Variants in TRMT44 observed in about 807,000 individuals in gnomAD.
TRMT44 encodes tRNA methyltransferase 44 homolog.
A neutral mutation model predicts 77.3 loss-of-function variants in TRMT44; 78 were observed. That is an observed-to-expected ratio of 1.01 (90% CI 0.84 to 1.22). The LOEUF is 1.22. TRMT44 is among the 50% of genes most tolerant of loss of function. The pLI is 0.00. For synonymous variants in TRMT44, 391 were observed against 383.3 expected (o/e 1.02, Z -0.23); for missense variants, 1,090 against 964.4 (o/e 1.13, Z -1.73).
chr4:8,464,575 C>T (rs898790129), intron 7 of TRMT44, among the ~76,000 whole-genome samples: 5 of 152,202 alleles, frequency 3.3e-5, no homozygotes, highest in Admixed American at 3.3e-4. Flanking sequence ...GTTGACGTTT[C>T]GTTGCTGAGT....
the TRMT44 span, chr4:8,511,917 C>A: frequency 6.6e-6 from 1 of 152,210 alleles, no homozygotes; most frequent in East Asian, 1.9e-4. Flanking sequence ...AGTCAATGAT[C>A]GTGAAAGTCG....
the TRMT44 span, among the ~76,000 whole-genome samples, chr4:8,501,483 G>C: frequency 6.6e-6 from 1 of 152,182 alleles, no homozygotes; most frequent in East Asian, 1.9e-4. The surrounding 1 kb of genome is among the most constrained non-coding windows in gnomAD (Gnocchi z 4.4). Flanking sequence ...GAAAAATGGG[G>C]ATGAGGATAA....
In TRMT44 at chr4:8,454,864, G is replaced by A. The variant is rs115681291; in HGVS notation, c.1203+51G>A. 2.5e-3 allele frequency: 3,855 copies of A among 1,542,446 alleles called. 94 individuals are homozygous for A. The African/African-American group carries it at 0.046, about 18-fold the overall frequency. On this transcript the variant is annotated intron_variant, in intron 6 of 10. Transcript: ENST00000389737. ...TGATCTCAGCATGGCTTAGCTCCCA[G>A]TGGGAATTGCTGTAATGAATGTGTC...
downstream of TRMT44, among the ~76,000 whole-genome samples, chr4:8,479,693 T>C (rs1727552895): frequency 6.6e-6 from 1 of 152,186 alleles, no homozygotes; most frequent in Admixed American, 6.5e-5. Context: ...GAGGCCCTTC[T>C]GCAGGCTGGA....
Position 8,469,040 on chromosome 4 carries a change from T to G in TRMT44, c.1927+694T>G, listed in dbSNP as rs149977353. On this transcript the variant is annotated intron_variant, in intron 9 of 10. Transcript: ENST00000389737. ...CCCTCCCGGCCCCTCCGTCGGTGAC[T>G]TCTGCCTGGCTGCGCATTTGAGGGA... Among the ~76,000 whole-genome samples, 592 of 152,364 alleles carry G rather than the reference T, an allele frequency of 3.9e-3. 4 individuals are homozygous for G. The highest frequency in any genetic ancestry group is 0.014 in the African/African-American group (573 of 41,592).
chr4:8,449,588 T>A, intron 2 of TRMT44, 81 bp from the exon 3 acceptor site: 1 of 1,153,224 alleles, frequency 8.7e-7, no homozygotes, highest in Non-Finnish European at 1.2e-6. Flanking sequence ...TTCTGTTTTC[T>A]TCATTAGGTA....
intron 6 of TRMT44, among the ~76,000 whole-genome samples, chr4:8,457,019 C>G (rs1389885672): frequency 2.1e-4 from 2 of 9,336 alleles, no homozygotes; most frequent in Admixed American, 7.1e-4. Flanking sequence ...AGACACCCGC[C>G]CCCCCCCCCC....
intron 2 of TRMT44, among the ~76,000 whole-genome samples, chr4:8,449,070 T>C (rs1725256722): frequency 6.6e-6 from 1 of 152,224 alleles, no homozygotes; most frequent in East Asian, 1.9e-4. Context: ...GATTGTGAGC[T>C]TTTCCTCATT....
intron 10 of TRMT44, among the ~76,000 whole-genome samples, chr4:8,472,774 T>C (rs1175849006): frequency 7.1e-6 from 1 of 141,702 alleles, no homozygotes; most frequent in Non-Finnish European, 1.5e-5. Context: ...CCTGCAGTGC[T>C]GGCTGGGCTG....
chr4:8,487,114 A>C lies in TRMT44; in HGVS notation n.3892-6152A>C, dbSNP rs531264512. On this transcript the variant is annotated intron_variant and non_coding_transcript_variant, in intron 2 of 2. Transcript: ENST00000511366. Reference sequence around the variant, plus strand: ...TCAGACTGTTTGCTATTTTATGACAAGAATTATTTAGATCTTGCAGGATGG... The same window carrying C: ...TCAGACTGTTTGCTATTTTATGACACGAATTATTTAGATCTTGCAGGATGG... 2.6e-5 allele frequency among the ~76,000 whole-genome samples: 4 copies of C among 152,350 alleles called. No individual in the cohort carries two copies. In the South Asian group the frequency reaches 8.3e-4, roughly 32 times the overall value.
chr4:8,484,220 G>A (rs529720848), intron 2 of TRMT44, among the ~76,000 whole-genome samples: 1 of 152,168 alleles, frequency 6.6e-6, no homozygotes, highest in Non-Finnish European at 1.5e-5. Flanking sequence ...TGGGGTGAAC[G>A]TCAGGTGGAT....
At position 8,467,281 on chromosome 4, in the gene TRMT44, T is replaced by C. The variant is rs369444232; in HGVS notation, c.1495-633T>C. 1.5e-4 allele frequency among the ~76,000 whole-genome samples: 23 copies of C among 151,298 alleles called. 1 individual carries two copies. The East Asian group carries it at 1.8e-3, about 12-fold the overall frequency. On this transcript the variant is annotated intron_variant, in intron 8 of 10. Coordinates refer to ENST00000389737, the MANE Select transcript of TRMT44 (RefSeq NM_152544.3). The stretch of plus-strand genomic sequence containing the variant: ...GTGCCCCCGCCGGGCGGCCGAGGGG[T>C]GGAATGAGGGGCGGCAGCGGGAAAC...
chr4:8,491,527 G>T (rs922099488), intron 2 of TRMT44, among the ~76,000 whole-genome samples: 1 of 152,240 alleles, frequency 6.6e-6, no homozygotes, highest in African/African-American at 2.4e-5. Flanking sequence ...CTCAGGCATG[G>T]CGGGCTGCAT....
the TRMT44 span, among the ~76,000 whole-genome samples, chr4:8,503,205 C>T: frequency 8.5e-5 from 13 of 152,186 alleles, no homozygotes; most frequent in Non-Finnish European, 7.3e-5. Flanking sequence ...GCTGCAGGAG[C>T]CGCATTTAGG....
chr4:8,463,917 T>A (rs1396201307), intron 6 of TRMT44, 68 bp from the exon 7 acceptor site: 1 of 1,342,602 alleles, frequency 7.4e-7, no homozygotes, highest in Non-Finnish European at 1.1e-6. Context: ...CCTCCCGCCA[T>A]GTCCTGCCCA....
At chr4:8,495,789 C>T (rs1439946535), downstream of TRMT44, among the ~76,000 whole-genome samples, 2 of 152,220 alleles carry the variant, frequency 1.3e-5, no homozygotes, top group Non-Finnish European at 1.5e-5. Flanking sequence ...ATACCAGAGG[C>T]AACCTCTTTT....
At chr4:8,499,268 C>G in the TRMT44 span, among the ~76,000 whole-genome samples, 1 of 152,090 alleles carries the variant, frequency 6.6e-6, no homozygotes. Context: ...AGACACTTGC[C>G]CCATCTTCAG....
Position 8,452,532 on chromosome 4 carries a change from T to C in TRMT44, c.1024-350T>C, listed in dbSNP as rs1339971313. ...GGCAGATCACTTGAGGTCAGGAGTTTGAGACCAGCCTGGCCAACATGGTGA... is the reference window on the plus strand; with the variant it reads ...GGCAGATCACTTGAGGTCAGGAGTTCGAGACCAGCCTGGCCAACATGGTGA... On this transcript the variant is annotated intron_variant, in intron 4 of 10. Transcript: ENST00000389737. The surrounding 1 kb of genome is among the most constrained non-coding windows in gnomAD (Gnocchi z 5.7). Among the ~76,000 whole-genome samples, 1 of 152,142 alleles carries C rather than the reference T, an allele frequency of 6.6e-6. No homozygotes were observed. The highest frequency in any genetic ancestry group is 2.4e-5 in the African/African-American group (1 of 41,448).
At chr4:8,497,662 C>A (rs938914060), downstream of TRMT44, among the ~76,000 whole-genome samples, 3 of 151,842 alleles carry the variant, frequency 2.0e-5, no homozygotes, top group Non-Finnish European at 2.9e-5. Context: ...AACAAACAAA[C>A]AAAAAAACCC....
Sources: allele counts gnomAD v4.1 joint callset (sites outside exome capture counted in the v4.1 genomes callset), GRCh38; gene constraint gnomAD v4.1.1; non-coding constraint Gnocchi (gnomAD v3.1); transcripts MANE v1.5; gene names NCBI Gene and HGNC (gene_info 2026-07-23, HGNC 2026-07-21).